Variants in SOCS5 observed in about 807,000 individuals in gnomAD.
The protein encoded by SOCS5 is CIS-6.
A neutral mutation model predicts 42.8 loss-of-function variants in SOCS5; 32 were observed. The observed-to-expected ratio is 0.75, with a 90% CI of 0.56 to 1.01. The LOEUF is 1.01. SOCS5 is among the 50% of genes least tolerant of loss of function. SOCS5 has a pLI of 0.00. For synonymous variants in SOCS5, 283 were observed against 229.6 expected (o/e 1.23, Z -2.10); for missense variants, 627 against 653.0 (o/e 0.96, Z 0.43).
chr2:46,748,099 A>T (rs1230861840), intron 1 of SOCS5, among the ~76,000 whole-genome samples: 1 of 151,246 alleles, frequency 6.6e-6, no homozygotes, highest in South Asian at 2.1e-4. Flanking sequence ...AGTTATCCTT[A>T]TTTGCCTTTA....
chr2:46,725,532 AATCTTAACACCAT>A (rs1324997312), intron 1 of SOCS5, among the ~76,000 whole-genome samples: 3 of 152,138 alleles, frequency 2.0e-5, no homozygotes, highest in Non-Finnish European at 4.4e-5. Flanking sequence ...GAGTTGTAGA[AATCTTAACACCAT>A]ATGTATTTCT....
At position 46,759,195 on chromosome 2, in the gene SOCS5, C is replaced by T; in HGVS notation, c.665C>T (p.Ala222Val). 6.2e-7 allele frequency: 1 copy of T among 1,613,928 alleles called. No homozygotes were observed. Among genetic ancestry groups the T allele is most frequent in the Non-Finnish European group, 8.5e-7 (1 of 1,179,826 alleles). ...ELMLEKCPFP[A>V]GSDLAQKWHL... The stretch of plus-strand genomic sequence containing the variant: ...ATGCTTGAGAAATGCCCTTTTCCTG[C>T]TGGCTCAGATTTAGCCCAAAAATGG... Residue 222 changes from alanine (A) to valine (V), a missense_variant, in exon 2 of 2, where the codon GCT becomes GTT. Transcript: ENST00000394861.
At chr2:46,711,449 C>T (rs1487759301) in intron 1 of SOCS5, among the ~76,000 whole-genome samples, 1 of 152,152 alleles carries the variant, frequency 6.6e-6, no homozygotes, top group Non-Finnish European at 1.5e-5. Flanking sequence ...CTGTTCAAGG[C>T]ATTAACCAGT....
At chr2:46,735,399 A>G (rs566884799) in intron 1 of SOCS5, among the ~76,000 whole-genome samples, 74 of 152,182 alleles carry the variant, frequency 4.9e-4, no homozygotes, top group African/African-American at 4.6e-4. Flanking sequence ...GTTGCATCTC[A>G]TTGGCCAGAA....
intron 1 of SOCS5, among the ~76,000 whole-genome samples, chr2:46,705,185 C>G (rs1191899106): frequency 6.6e-6 from 1 of 152,208 alleles, no homozygotes; most frequent in Non-Finnish European, 1.5e-5. Flanking sequence ...GTGAGCTGCT[C>G]TAGCAAATTA....
rs1425490949 is a variant in SOCS5 at position 46,761,345 on chromosome 2, C to G, written c.*1204C>G. The G allele has an allele frequency of 6.0e-6, 1 of 167,034 alleles. No homozygotes were observed. Among genetic ancestry groups the G allele is most frequent in the Non-Finnish European group, 1.5e-5 (1 of 68,106 alleles). 10.3% of individuals were successfully genotyped at this position (167,034 alleles called of 1,614,324 possible). ...ACTGAACTGAATTTACAGTTCTGTC[C>G]TAGACATTTTGCACTAAAGTAGCCG... On this transcript the variant is annotated 3_prime_UTR_variant, in exon 2 of 2. Transcript: ENST00000394861.
intron 1 of SOCS5, among the ~76,000 whole-genome samples, chr2:46,713,733 A>C (rs1000886975): frequency 2.2e-4 from 34 of 152,270 alleles, no homozygotes; most frequent in African/African-American, 8.2e-4. Context: ...GTTTTAAGTG[A>C]AAGCTTAGAT....
At chr2:46,702,499 T>C (rs1672366456) in intron 1 of SOCS5, among the ~76,000 whole-genome samples, 1 of 152,232 alleles carries the variant, frequency 6.6e-6, no homozygotes, top group African/African-American at 2.4e-5. Context: ...TTTGCAGATA[T>C]TCCAGTGAAA....
chr2:46,755,421 A>G (rs1017266363), intron 1 of SOCS5, among the ~76,000 whole-genome samples: 1 of 152,176 alleles, frequency 6.6e-6, no homozygotes. Flanking sequence ...AAACTTATGT[A>G]GTGATAGAAT....
intron 1 of SOCS5, among the ~76,000 whole-genome samples, chr2:46,748,035 G>A (rs1385550432): frequency 6.6e-6 from 1 of 152,060 alleles, no homozygotes; most frequent in Non-Finnish European, 1.5e-5. Context: ...GGAGTTTCTA[G>A]TTGATGATTT....
chr2:46,739,160 C>T (rs990630565), intron 1 of SOCS5, among the ~76,000 whole-genome samples: 4 of 152,046 alleles, frequency 2.6e-5, no homozygotes, highest in Non-Finnish European at 5.9e-5. Flanking sequence ...CAGAATGGCT[C>T]TTTTTGTTAA....
At chr2:46,739,068 G>A (rs1673313634) in intron 1 of SOCS5, among the ~76,000 whole-genome samples, 1 of 152,152 alleles carries the variant, frequency 6.6e-6, no homozygotes, top group South Asian at 2.1e-4. Context: ...TGTACCAGTA[G>A]AAAGTGGATG....
chr2:46,702,408 G>A (rs2103684976), intron 1 of SOCS5, among the ~76,000 whole-genome samples: 1 of 152,258 alleles, frequency 6.6e-6, no homozygotes, highest in South Asian at 2.1e-4. Flanking sequence ...AAATTAGAGT[G>A]AATGTGTTAC....
rs1163571526 is a variant in SOCS5 at position 46,760,359 on chromosome 2, A to G, written c.*218A>G. The G allele has an allele frequency of 6.3e-6, 3 of 474,326 alleles. No homozygotes were observed. The highest frequency in any genetic ancestry group is 5.4e-4 in the Middle Eastern group (1 of 1,838). 29.4% of individuals were successfully genotyped at this position (474,326 alleles called of 1,614,324 possible). A position where few individuals can be genotyped will look rare whatever the true frequency, so the allele number is the denominator to read the frequency against. Reference sequence around the variant, plus strand: ...GCTACAGGTGTTCAGTAAGACTACAAAAACATTTTGCCTATTTCGCTAACA... The same window carrying G: ...GCTACAGGTGTTCAGTAAGACTACAGAAACATTTTGCCTATTTCGCTAACA... On this transcript the variant is annotated 3_prime_UTR_variant, in exon 2 of 2. Coordinates refer to ENST00000394861, the MANE Select transcript of SOCS5 (RefSeq NM_144949.3).
At chr2:46,737,396 G>T (rs1018033946) in intron 1 of SOCS5, among the ~76,000 whole-genome samples, 3 of 152,162 alleles carry the variant, frequency 2.0e-5, no homozygotes, top group Non-Finnish European at 4.4e-5. Context: ...GTATTGAAGA[G>T]AAAAAGATTA....
chr2:46,734,763 A>G (rs1347944337), intron 1 of SOCS5, among the ~76,000 whole-genome samples: 1 of 152,140 alleles, frequency 6.6e-6, no homozygotes, highest in Non-Finnish European at 1.5e-5. Flanking sequence ...CTTCTAGCAT[A>G]TGCAGAGAAA....
chr2:46,703,354 G>GTTT (rs111676318), intron 1 of SOCS5, among the ~76,000 whole-genome samples: 49 of 147,422 alleles, frequency 3.3e-4, no homozygotes, highest in Middle Eastern at 7.2e-3. Context: ...AGTTTTCACA[G>GTTT]TTTTTTTTTT....
chr2:46,753,966 G>C (rs927241389), intron 1 of SOCS5, among the ~76,000 whole-genome samples: 6 of 152,116 alleles, frequency 3.9e-5, no homozygotes, highest in Non-Finnish European at 5.9e-5. Context: ...GGTTTTAACT[G>C]GCTTCTTTAA....
intron 1 of SOCS5, among the ~76,000 whole-genome samples, chr2:46,740,042 C>G (rs1673336701): frequency 6.6e-6 from 1 of 152,176 alleles, no homozygotes; most frequent in African/African-American, 2.4e-5. Flanking sequence ...TACTAGAATT[C>G]TAGGGAACAT....
Sources: gnomAD v4.1 joint callset for allele counts (sites outside exome capture counted in the v4.1 genomes callset) on GRCh38, gnomAD v4.1.1 for gene constraint, MANE v1.5 for transcripts, NCBI Gene and HGNC (gene_info 2026-07-23, HGNC 2026-07-21) for gene names.